HTR4: variants seen among roughly 807,000 people sequenced by gnomAD.
HTR4 encodes 5-hydroxytryptamine receptor 4.
In HTR4, 16 loss-of-function variants were observed where a neutral mutation model predicts 36.8. The ratio of observed to expected loss-of-function variants is 0.43; its 90% CI spans 0.29 to 0.66. The LOEUF is 0.66. HTR4 is among the 30% of genes least tolerant of loss of function. HTR4 has a pLI of 0.13. For synonymous variants in HTR4, 189 were observed against 185.1 expected (o/e 1.02, Z -0.17); for missense variants, 438 against 490.9 (o/e 0.89, Z 1.02).
chr5:148,591,730 C>A (rs532144499), intron 2 of HTR4, among the ~76,000 whole-genome samples: 79 of 152,002 alleles, frequency 5.2e-4, no homozygotes, highest in Non-Finnish European at 1.1e-3. Context: ...TAGAGAAATG[C>A]AAATCAAAAC....
intron 6 of HTR4, among the ~76,000 whole-genome samples, chr5:148,485,935 A>G (rs568887405): frequency 3.9e-5 from 6 of 152,328 alleles, no homozygotes; most frequent in Admixed American, 2.0e-4. Flanking sequence ...CTCTCTATCT[A>G]TCTTTGACAT....
In HTR4 at chr5:148,482,338, G is replaced by A. The variant is rs202082115; in HGVS notation, c.*865C>T. On this transcript the variant is annotated 3_prime_UTR_variant, in exon 7 of 7. Transcript: ENST00000377888. ...CTGAAGCCTAATAAACACCTACGAT[G>A]TTGCTAGCCCTGCCCAAGGCTTTTT... The A allele has an allele frequency of 3.0e-5, 30 of 985,384 alleles. No homozygotes were observed. Among genetic ancestry groups the A allele is most frequent in the Non-Finnish European group, 3.5e-5 (29 of 829,996 alleles). The allele number at this position is 985,384 out of a possible 1,614,324, so 61.0% of individuals were successfully genotyped here. A position where few individuals can be genotyped will look rare whatever the true frequency, so the allele number is the denominator to read the frequency against.
chr5:148,476,616 T>G (rs2113709552), downstream of HTR4: 10 of 1,547,222 alleles, frequency 6.5e-6, no homozygotes, highest in East Asian at 1.4e-4. Context: ...AATGAAAAGC[T>G]TCACATTCTT....
Position 148,544,849 on chromosome 5 carries a change from C to T in HTR4, c.353+3819G>A, listed in dbSNP as rs150699091. ...GGAGTCTGCCATCTGAGAAGAGTTACAAATTAAAGTGAGCCCTCTTGCTCA... is the reference window on the plus strand; with the variant it reads ...GGAGTCTGCCATCTGAGAAGAGTTATAAATTAAAGTGAGCCCTCTTGCTCA... On this transcript the variant is annotated intron_variant, in intron 4 of 6. Transcript: ENST00000377888. 9.9e-4 allele frequency among the ~76,000 whole-genome samples: 151 copies of T among 152,294 alleles called. 1 individual carries two copies. Among genetic ancestry groups the T allele is most frequent in the African/African-American group, 3.5e-3 (147 of 41,558 alleles).
At chr5:148,647,703 G>A (rs1255186207) in intron 1 of HTR4, among the ~76,000 whole-genome samples, 1 of 152,170 alleles carries the variant, frequency 6.6e-6, no homozygotes, top group African/African-American at 2.4e-5. Context: ...ACAAAAATTA[G>A]CTGGGCGTGG....
At chr5:148,456,394 A>C (rs1417167044) in intron 5 of HTR4, among the ~76,000 whole-genome samples, 12 of 152,126 alleles carry the variant, frequency 7.9e-5, no homozygotes, top group Admixed American at 7.9e-4. Flanking sequence ...CTCTAACTGG[A>C]GGGTGCAAAC....
chr5:148,639,617 G>GTA (rs370514542), intron 1 of HTR4, among the ~76,000 whole-genome samples: 10,237 of 111,678 alleles, frequency 0.092, 522 homozygotes, highest in Middle Eastern at 0.14. Flanking sequence ...TTTCTTCCCA[G>GTA]TATATATATA....
At chr5:148,527,815 T>C (rs143390635) in intron 4 of HTR4, among the ~76,000 whole-genome samples, 61 of 152,292 alleles carry the variant, frequency 4.0e-4, no homozygotes, top group African/African-American at 1.4e-3. Flanking sequence ...GGTTTCGCTA[T>C]GTTGGCTAGG....
At chr5:148,515,282 A>T (rs1309934222) in intron 5 of HTR4, among the ~76,000 whole-genome samples, 1 of 152,156 alleles carries the variant, frequency 6.6e-6, no homozygotes, top group African/African-American at 2.4e-5. Context: ...CAAACAGCCC[A>T]TGCCCCACGC....
chr5:148,654,476 C>T lies in HTR4; in HGVS notation c.-462G>A, dbSNP rs1475387581. 4 of 985,426 alleles carry T rather than the reference C, an allele frequency of 4.1e-6. No individual in the cohort carries two copies. In the African/African-American group the frequency reaches 5.2e-5, roughly 13 times the overall value. 61.0% of individuals were successfully genotyped at this position (985,426 alleles called of 1,614,324 possible). ...CAGAGGCGGGCTGGAGCGATCTCACCCGTTCCGGGCTGGCCAGCACGCGCC... is the reference window on the plus strand; with the variant it reads ...CAGAGGCGGGCTGGAGCGATCTCACTCGTTCCGGGCTGGCCAGCACGCGCC... On this transcript the variant is annotated 5_prime_UTR_variant, in exon 1 of 7. Transcript: ENST00000377888.
intron 2 of HTR4, among the ~76,000 whole-genome samples, chr5:148,559,616 C>T (rs1017339419): frequency 2.0e-5 from 3 of 152,110 alleles, no homozygotes; most frequent in African/African-American, 7.2e-5. Context: ...AATGGCCAGA[C>T]CATGTGTAAC....
intron 2 of HTR4, among the ~76,000 whole-genome samples, chr5:148,591,124 A>C (rs1402049480): frequency 6.6e-6 from 1 of 152,172 alleles, no homozygotes; most frequent in East Asian, 1.9e-4. Context: ...GCTTTGTCAA[A>C]TATCATATGG....
chr5:148,467,060 T>C (rs1256796307), intron 5 of HTR4, among the ~76,000 whole-genome samples: 1 of 152,206 alleles, frequency 6.6e-6, no homozygotes, highest in Non-Finnish European at 1.5e-5. Context: ...GGTATCTGCA[T>C]GTCATGCTTC....
At chr5:148,638,931 C>T (rs1441861274) in intron 1 of HTR4, among the ~76,000 whole-genome samples, 2 of 152,164 alleles carry the variant, frequency 1.3e-5, no homozygotes, top group African/African-American at 4.8e-5. Context: ...CCTGTAGTTC[C>T]AGCTACCTGG....
At position 148,482,495 on chromosome 5, in the gene HTR4, G is replaced by A; in HGVS notation, c.*708C>T. 1 of 985,574 alleles carries A rather than the reference G, an allele frequency of 1.0e-6. No homozygotes were observed. The highest frequency in any genetic ancestry group is 1.2e-6 in the Non-Finnish European group (1 of 830,076). The allele number at this position is 985,574 out of a possible 1,614,324, so 61.1% of individuals were successfully genotyped here. A position where few individuals can be genotyped will look rare whatever the true frequency, so the allele number is the denominator to read the frequency against. On this transcript the variant is annotated 3_prime_UTR_variant, in exon 7 of 7. Coordinates refer to ENST00000377888, the MANE Select transcript of HTR4 (RefSeq NM_000870.7). ...GTTGCTGTGGAGACCATTTTCCTCT[G>A]ACAGATCTCTGACCCTGTGTCTTCC...
chr5:148,581,119 C>T (rs1761117073), intron 2 of HTR4, among the ~76,000 whole-genome samples: 1 of 151,360 alleles, frequency 6.6e-6, no homozygotes, highest in Admixed American at 6.6e-5. Flanking sequence ...GTAAGCATCT[C>T]TTTTGTTTGT....
intron 2 of HTR4, among the ~76,000 whole-genome samples, chr5:148,561,183 T>C (rs761415028): frequency 1.1e-4 from 17 of 152,166 alleles, no homozygotes; most frequent in East Asian, 1.9e-4. Context: ...AAAATCTTAA[T>C]AGACTTTTCA....
At chr5:148,477,159 G>A (rs1435288516), downstream of HTR4, among the ~76,000 whole-genome samples, 1 of 152,290 alleles carries the variant, frequency 6.6e-6, no homozygotes, top group East Asian at 1.9e-4. Context: ...GTTGTAGAAA[G>A]GATGATGTCA....
At position 148,482,449 on chromosome 5, in the gene HTR4, T is replaced by C. The variant is rs1755934179; in HGVS notation, c.*754A>G. ...GCCAGGACACCAGGAGGAAGCTATC[T>C]GTCTTCAGCTTCCCTCCAGAGTTGC... On this transcript the variant is annotated 3_prime_UTR_variant, in exon 7 of 7. Transcript: ENST00000377888. The C allele has an allele frequency of 1.0e-6, 1 of 985,546 alleles. No homozygotes were observed. The highest frequency in any genetic ancestry group is 1.2e-6 in the Non-Finnish European group (1 of 830,040). 61.1% of individuals were successfully genotyped at this position (985,546 alleles called of 1,614,324 possible). A position where few individuals can be genotyped will look rare whatever the true frequency, so the allele number is the denominator to read the frequency against.
Sources: gnomAD v4.1 joint callset for allele counts (sites outside exome capture counted in the v4.1 genomes callset) on GRCh38, gnomAD v4.1.1 for gene constraint, MANE v1.5 for transcripts, NCBI Gene and HGNC (gene_info 2026-07-23, HGNC 2026-07-21) for gene names.